The following IGF2BP2 variants were observed in gnomAD, a reference collection of about 807,000 sequenced individuals.
IGF2BP2 encodes the protein insulin like growth factor 2 mRNA binding protein 2, also known as insulin-like growth factor 2 mRNA-binding protein 2.
In IGF2BP2, 17 loss-of-function variants were observed where a neutral mutation model predicts 75.8. The observed-to-expected ratio is 0.22, with a 90% CI of 0.15 to 0.34. The LOEUF is 0.34. IGF2BP2 is among the 10% of genes least tolerant of loss of function. The probability of loss-of-function intolerance (pLI) is 1.00; values close to 1 mark genes in which losing one functional copy is unlikely to be tolerated. For synonymous variants in IGF2BP2, 288 were observed against 295.6 expected, an observed-to-expected ratio of 0.97 and a Z score of 0.26; for missense variants, 516 against 772.4, an observed-to-expected ratio of 0.67 and a Z score of 3.93.
intron 2 of IGF2BP2, among the ~76,000 whole-genome samples, chr3:185,703,504 T>C (rs750504065): frequency 5.9e-5 from 9 of 152,032 alleles, no homozygotes; most frequent in Non-Finnish European, 1.3e-4. Flanking sequence ...AACCATTTCA[T>C]CTGTATTATT....
intron 2 of IGF2BP2, among the ~76,000 whole-genome samples, chr3:185,786,649 C>T (rs1482686768): frequency 1.3e-5 from 2 of 152,126 alleles, no homozygotes; most frequent in African/African-American, 2.4e-5. Context: ...TCTTTTCGGA[C>T]TCAGCCCACC....
At chr3:185,823,123 CAAA>C in intron 2 of IGF2BP2, 27 bp downstream of exon 2, 1 of 1,296,414 alleles carries the variant, frequency 7.7e-7, no homozygotes, top group Non-Finnish European at 1.1e-6. Context: ...AGGCCAATCG[CAAA>C]AAAAAAACTA....
At chr3:185,657,678 G>A (rs1056819076) in intron 11 of IGF2BP2, among the ~76,000 whole-genome samples, 11 of 152,172 alleles carry the variant, frequency 7.2e-5, no homozygotes, top group African/African-American at 1.7e-4. Context: ...CTGTCTGATC[G>A]CAGGTTTTCT....
At chr3:185,711,918 G>A (rs1724857194) in intron 2 of IGF2BP2, among the ~76,000 whole-genome samples, 1 of 152,168 alleles carries the variant, frequency 6.6e-6, no homozygotes, top group South Asian at 2.1e-4. Flanking sequence ...AGGATTATGA[G>A]AAAGTACTCC....
chr3:185,655,560 T>C (rs1323723424), intron 12 of IGF2BP2, among the ~76,000 whole-genome samples: 2 of 152,214 alleles, frequency 1.3e-5, no homozygotes, highest in Non-Finnish European at 2.9e-5. Context: ...ATAAAAAACA[T>C]TGTCTGGACC....
chr3:185,821,814 ATAGT>A (rs1459462157), intron 2 of IGF2BP2, among the ~76,000 whole-genome samples: 1 of 152,166 alleles, frequency 6.6e-6, no homozygotes, highest in African/African-American at 2.4e-5. Flanking sequence ...TTTGTTGTAA[ATAGT>A]TAATATATCA....
At chr3:185,665,491 A>AAGGAGGAGGAGGAGG (rs1228337044) in intron 10 of IGF2BP2, among the ~76,000 whole-genome samples, 1 of 37,704 alleles carries the variant, frequency 2.7e-5, no homozygotes. Flanking sequence ...GAAGGAGGAG[A>AAGGAGGAGGAGGAGG]AGGAGGAGGA....
chr3:185,679,922 T>C (rs1720126166), intron 7 of IGF2BP2, among the ~76,000 whole-genome samples: 1 of 152,142 alleles, frequency 6.6e-6, no homozygotes, highest in East Asian at 1.9e-4. Flanking sequence ...GCCCCATCCT[T>C]TTATTTCAAC....
At chr3:185,782,498 C>A (rs183931055) in intron 2 of IGF2BP2, among the ~76,000 whole-genome samples, 13 of 152,156 alleles carry the variant, frequency 8.5e-5, no homozygotes, top group African/African-American at 3.1e-4. Flanking sequence ...CTCTAATTTA[C>A]CATGTTCAAG....
intron 2 of IGF2BP2, among the ~76,000 whole-genome samples, chr3:185,704,092 G>A (rs771901417): frequency 5.9e-5 from 9 of 152,136 alleles, no homozygotes; most frequent in Non-Finnish European, 8.8e-5. Flanking sequence ...CTCCATGCGG[G>A]ATTCTACCCA....
At chr3:185,732,970 C>T (rs1728388056) in intron 2 of IGF2BP2, among the ~76,000 whole-genome samples, 1 of 152,202 alleles carries the variant, frequency 6.6e-6, no homozygotes, top group Non-Finnish European at 1.5e-5. Context: ...CCAACCTGCC[C>T]ACCACAATGT....
chr3:185,721,312 G>A (rs940654883), intron 2 of IGF2BP2, among the ~76,000 whole-genome samples: 5 of 151,866 alleles, frequency 3.3e-5, no homozygotes, highest in Non-Finnish European at 7.4e-5. Context: ...AACAATTCTC[G>A]TGCCTCAGCC....
intron 2 of IGF2BP2, among the ~76,000 whole-genome samples, chr3:185,776,519 A>T (rs981258426): frequency 1.3e-5 from 2 of 152,208 alleles, no homozygotes; most frequent in African/African-American, 4.8e-5. Context: ...AAGGATGCTG[A>T]GCCTCGTTTT....
intron 10 of IGF2BP2, among the ~76,000 whole-genome samples, chr3:185,662,543 CTTTT>C (rs1172808795): frequency 1.8e-5 from 2 of 112,646 alleles, no homozygotes; most frequent in Admixed American, 2.0e-4. Flanking sequence ...CCTTCCCATA[CTTTT>C]TTTTTTTTTT....
intron 2 of IGF2BP2, among the ~76,000 whole-genome samples, chr3:185,811,891 C>CTCT (rs1739938371): frequency 7.0e-6 from 1 of 143,656 alleles, no homozygotes; most frequent in Non-Finnish European, 1.6e-5. Context: ...CCTCTCCCTG[C>CTCT]CTGGGCATCA....
rs547894402 is a variant in IGF2BP2, at chr3:185,811,547, T to C, written c.239+11606A>G. 2.7e-4 allele frequency among the ~76,000 whole-genome samples: 41 copies of C among 152,320 alleles called. No individual in the cohort carries two copies. The South Asian group carries it at 7.9e-3, about 29-fold the overall frequency. Reference sequence around the variant, plus strand: ...CTTCAGATATTTAACATAAGAACTCTGACTTCCACCTCCTCTTGAAAAATC... The same window carrying C: ...CTTCAGATATTTAACATAAGAACTCCGACTTCCACCTCCTCTTGAAAAATC... On this transcript the variant is annotated intron_variant, in intron 2 of 15. Coordinates refer to ENST00000382199, the MANE Select transcript of IGF2BP2 (RefSeq NM_006548.6).
rs550236964 is a variant in IGF2BP2 at position 185,802,781 on chromosome 3, A to G, written c.239+20372T>C. On this transcript the variant is annotated intron_variant, in intron 2 of 15. Coordinates refer to ENST00000382199, the MANE Select transcript of IGF2BP2 (RefSeq NM_006548.6). ...TCTAAAAACCCTTGAGAGAGAAAATATTCAGAAGAAAAAGCTTTTCTCAAG... is the reference window on the plus strand; with the variant it reads ...TCTAAAAACCCTTGAGAGAGAAAATGTTCAGAAGAAAAAGCTTTTCTCAAG... 3.3e-5 allele frequency among the ~76,000 whole-genome samples: 5 copies of G among 152,336 alleles called. No individual in the cohort carries two copies. The South Asian group carries it at 8.3e-4, about 25-fold the overall frequency.
At chr3:185,764,746 TGTGA>T (rs1228346565) in intron 2 of IGF2BP2, among the ~76,000 whole-genome samples, 1 of 152,214 alleles carries the variant, frequency 6.6e-6, no homozygotes, top group African/African-American at 2.4e-5. Context: ...AGCTACTGCC[TGTGA>T]GTAAGAAATC....
At position 185,647,992 on chromosome 3, in the gene IGF2BP2, T is replaced by C. The variant is rs1378921088; in HGVS notation, c.1594-854A>G. On this transcript the variant is annotated intron_variant, in intron 14 of 15. Coordinates refer to ENST00000382199, the MANE Select transcript of IGF2BP2 (RefSeq NM_006548.6). The surrounding 1 kb of genome is among the most constrained non-coding windows in gnomAD (Gnocchi z 4.9). The stretch of plus-strand genomic sequence containing the variant: ...TCCCTGCTGATCCATCTGCTTTCTT[T>C]TGCCTCCTACATTCCAGCTCCGCCT... Among the ~76,000 whole-genome samples the C allele has an allele frequency of 6.6e-6, 1 of 152,242 alleles. No homozygotes were observed. The highest frequency in any genetic ancestry group is 1.5e-5 in the Non-Finnish European group (1 of 68,044).
Sources: gnomAD v4.1 joint callset for allele counts (sites outside exome capture counted in the v4.1 genomes callset) on GRCh38, gnomAD v4.1.1 for gene constraint, Gnocchi (gnomAD v3.1) non-coding constraint, MANE v1.5 for transcripts, NCBI Gene and HGNC (gene_info 2026-07-23, HGNC 2026-07-21) for gene names.